Variants in CUBN observed in about 807,000 individuals in gnomAD.
The protein encoded by CUBN is 460 kDa receptor.
Under a neutral mutation model 405.3 loss-of-function variants are expected in CUBN, and 282 were observed. The ratio of observed to expected loss-of-function variants is 0.70; its 90% CI spans 0.63 to 0.77. The LOEUF is 0.77. Ranked by LOEUF, CUBN falls within the 30% of genes least tolerant of loss-of-function variation. The probability of loss-of-function intolerance (pLI) is 0.00; values close to 1 mark genes in which losing one functional copy is unlikely to be tolerated. For synonymous variants in CUBN, 1,684 were observed against 1,617.0 expected (o/e 1.04, Z -0.99); for missense variants, 4,514 against 4,475.2 (o/e 1.01, Z -0.25).
chr10:16,859,447 A>G (rs1197716481), intron 59 of CUBN, among the ~76,000 whole-genome samples: 1 of 152,206 alleles, frequency 6.6e-6, no homozygotes, highest in African/African-American at 2.4e-5. Context: ...AAAATTAAAT[A>G]ACAACAACAG....
chr10:16,940,266 G>T (rs112460214), intron 36 of CUBN, 29 bp from the exon 37 acceptor site: 6 of 1,579,088 alleles, frequency 3.8e-6, no homozygotes, highest in Non-Finnish European at 5.2e-6. Flanking sequence ...TATTTAAAGG[G>T]ATTAAATTGA....
intron 28 of CUBN, among the ~76,000 whole-genome samples, chr10:16,997,456 T>C (rs534631344): frequency 6.9e-6 from 1 of 144,350 alleles, no homozygotes; most frequent in African/African-American, 2.6e-5. Context: ...AAAAGGCAGC[T>C]TGTGGAGGAA....
chr10:17,109,610 C>A (rs768880402), intron 10 of CUBN, 30 bp downstream of exon 10: 2 of 1,561,504 alleles, frequency 1.3e-6, no homozygotes, highest in Admixed American at 1.7e-5. Context: ...ATTACAATAC[C>A]CAAAGCCAAA....
chr10:16,892,503 T>C (rs1342190556), intron 54 of CUBN, among the ~76,000 whole-genome samples: 2 of 152,012 alleles, frequency 1.3e-5, no homozygotes, highest in South Asian at 2.1e-4. Context: ...TATATATATA[T>C]GTATTTTTTT....
chr10:16,931,530 G>T (rs537996306), intron 40 of CUBN, among the ~76,000 whole-genome samples: 2 of 152,290 alleles, frequency 1.3e-5, no homozygotes, highest in South Asian at 4.1e-4. Context: ...CTTTCAAGCC[G>T]CCCTGTGCCT....
intron 56 of CUBN, among the ~76,000 whole-genome samples, chr10:16,880,096 C>T (rs1840625694): frequency 1.3e-5 from 2 of 152,112 alleles, no homozygotes; most frequent in African/African-American, 2.4e-5. Flanking sequence ...TGAGGCACAC[C>T]CAACTTTGAA....
chr10:17,071,445 C>A lies in CUBN; in HGVS notation c.2606G>T (p.Cys869Phe). The change falls in exon 19 of 67, where the codon TGT becomes TTT. Residue 869 changes from cysteine to phenylalanine, a missense_variant. Coordinates refer to ENST00000377833, the MANE Select transcript of CUBN (RefSeq NM_001081.4). ...TVFEIGSSAH[C>F]ETDYVEIGSS... ...TCTTACCTCAACATAATCTGTTTCA[C>A]AGTGGGCAGAACTTCCAATTTCAAA... 6.2e-7 allele frequency: 1 copy of A among 1,613,850 alleles called. No homozygotes were observed. The highest frequency in any genetic ancestry group is 8.5e-7 in the Non-Finnish European group (1 of 1,179,900).
intron 64 of CUBN, among the ~76,000 whole-genome samples, chr10:16,832,923 C>T (rs1177892535): frequency 6.6e-6 from 1 of 152,192 alleles, no homozygotes; most frequent in South Asian, 2.1e-4. Context: ...AGCCTTCCCA[C>T]TGAGAGCCAG....
intron 41 of CUBN, among the ~76,000 whole-genome samples, 155 bp downstream of exon 41, chr10:16,928,002 G>A (rs1361828439): frequency 6.6e-6 from 1 of 152,198 alleles, no homozygotes; most frequent in Non-Finnish European, 1.5e-5. Flanking sequence ...ACTGATGTAA[G>A]GGGAGCCAGC....
intron 36 of CUBN, among the ~76,000 whole-genome samples, chr10:16,945,410 C>T (rs1842749501): frequency 6.6e-6 from 1 of 152,128 alleles, no homozygotes; most frequent in Non-Finnish European, 1.5e-5. Context: ...AAATATATGT[C>T]TGGTAAACAT....
At chr10:17,016,326 G>T (rs1834327520) in intron 28 of CUBN, among the ~76,000 whole-genome samples, 1 of 152,120 alleles carries the variant, frequency 6.6e-6, no homozygotes, top group Non-Finnish European at 1.5e-5. Flanking sequence ...AGGTCCCAGT[G>T]GGGATCCATA....
intron 61 of CUBN, 91 bp from the exon 62 acceptor site, chr10:16,840,626 C>G (rs1433409416): frequency 9.4e-7 from 1 of 1,063,248 alleles, no homozygotes; most frequent in Non-Finnish European, 1.4e-6. Flanking sequence ...TGCCTCCCAC[C>G]CCGGAGGAGC....
At chr10:16,846,747 G>A (rs562838239) in intron 60 of CUBN, among the ~76,000 whole-genome samples, 2 of 151,650 alleles carry the variant, frequency 1.3e-5, no homozygotes, top group South Asian at 4.2e-4. Context: ...GGGAGGCAGA[G>A]GTTGCAGTAA....
chr10:17,095,011 C>T (rs1006457129), intron 14 of CUBN, among the ~76,000 whole-genome samples: 4 of 151,814 alleles, frequency 2.6e-5, no homozygotes, highest in Non-Finnish European at 4.4e-5. Context: ...AAATATATTA[C>T]AAAACTGTAG....
rs745926280 is a variant in CUBN at position 16,954,566 on chromosome 10, G to C, written c.4696-18C>G. On this transcript the variant is annotated intron_variant, in intron 31 of 66. Transcript: ENST00000377833. ...TCGTATGCCTACAAGAAAGGAGACA[G>C]GGCAAACAGTGGTTCAGATTCACAT... 1 of 1,612,374 alleles carries C rather than the reference G, an allele frequency of 6.2e-7. No homozygotes were observed. Among genetic ancestry groups the C allele is most frequent in the Admixed American group, 1.7e-5 (1 of 59,930 alleles).
chr10:16,863,168 C>A (rs536210051), intron 59 of CUBN, among the ~76,000 whole-genome samples: 3 of 152,280 alleles, frequency 2.0e-5, no homozygotes, highest in African/African-American at 7.2e-5. Context: ...AGCAAAAAAC[C>A]TTTCCCCATA....
In CUBN at chr10:16,928,300, T is replaced by A; in HGVS notation, c.6128A>T (p.Asp2043Val). The change falls in exon 41 of 67, where the codon GAT becomes GTT. Residue 2043 changes from aspartate (D) to valine (V), a missense_variant. Around this residue, in one of 5 missense-constraint regions of CUBN, gnomAD observed 1,613 missense variants for 1,542.8 expected, o/e 1.05. Coordinates refer to ENST00000377833, the MANE Select transcript of CUBN (RefSeq NM_001081.4). ...AYDSLVIRDG[D>V]NNLAQQLAVL... ...TGCTAGCTGCTGGGCCAAGTTATTA[T>A]CTCCTACGTTGAAAGAAAGGGAACA... is the stretch of plus-strand genomic sequence containing the variant. 5 of 1,613,732 alleles carry A rather than the reference T, an allele frequency of 3.1e-6. No homozygotes were observed. The highest frequency in any genetic ancestry group is 4.2e-6 in the Non-Finnish European group (5 of 1,179,830).
intron 36 of CUBN, among the ~76,000 whole-genome samples, chr10:16,940,518 T>C: frequency 6.6e-6 from 1 of 152,088 alleles, no homozygotes; most frequent in East Asian, 1.9e-4. Flanking sequence ...GGCAGAATAG[T>C]GTGAGTGCCA....
chr10:17,109,408 T>G (rs1438855552), intron 10 of CUBN, among the ~76,000 whole-genome samples: 1 of 152,232 alleles, frequency 6.6e-6, no homozygotes. Context: ...CAGTCGTTAA[T>G]TAATTAACTG....
Sources: gnomAD v4.1 joint callset for allele counts (sites outside exome capture counted in the v4.1 genomes callset) on GRCh38, gnomAD v4.1.1 for gene constraint, gnomAD v4.1.1 regional missense constraint, MANE v1.5 for transcripts, NCBI Gene and HGNC (gene_info 2026-07-23, HGNC 2026-07-21) for gene names.